The following AKAP9 variants were observed in gnomAD, a reference collection of about 807,000 sequenced individuals.
AKAP9 encodes the protein A-kinase anchoring protein 9.
Under a neutral mutation model 488.5 loss-of-function variants are expected in AKAP9, and 311 were observed. The ratio of observed to expected loss-of-function variants is 0.64; its 90% CI spans 0.58 to 0.70. AKAP9 has a LOEUF of 0.70. Ranked by LOEUF, AKAP9 falls within the 30% of genes least tolerant of loss-of-function variation. The pLI is 0.00. For missense variants in AKAP9, 4,215 were observed against 4,374.5 expected (o/e 0.96, Z 1.03); for synonymous variants, 1,462 against 1,483.5 (o/e 0.99, Z 0.33).
rs888961682 is a variant in AKAP9 at position 91,948,688 on chromosome 7, T to A, written c.48+7541T>A. ...GTGCAATGGCGCAACCTCAGCTCAC[T>A]GCAACCTCCACCTCCTGGGTTCAAG... On this transcript the variant is annotated intron_variant, in intron 1 of 49. Transcript: ENST00000356239. Among the ~76,000 whole-genome samples, 7 of 149,302 alleles carry A rather than the reference T, an allele frequency of 4.7e-5. No individual in the cohort carries two copies. In the South Asian group the frequency reaches 1.3e-3, roughly 28 times the overall value.
intron 26 of AKAP9, among the ~76,000 whole-genome samples, chr7:92,067,997 G>A (rs1262119792): frequency 2.6e-5 from 4 of 152,172 alleles, no homozygotes; most frequent in African/African-American, 7.2e-5. Context: ...TTAAAAGAAA[G>A]CCGAAGAAGT....
chr7:92,044,141 G>A (rs1479683332), intron 20 of AKAP9, among the ~76,000 whole-genome samples: 1 of 152,168 alleles, frequency 6.6e-6, no homozygotes, highest in Non-Finnish European at 1.5e-5. Flanking sequence ...ATTTATAAGA[G>A]AGGCAGGAGG....
Position 92,096,676 on chromosome 7 carries a change from T to G in AKAP9, c.9730-13T>G. ...ATATTAACAAGTTCTTAAATTTGAT[T>G]TTCTCGTACCAGGATCTGAAGTTTT... is the stretch of plus-strand genomic sequence containing the variant. On this transcript the variant is annotated splice_polypyrimidine_tract_variant and intron_variant, in intron 40 of 49. Transcript: ENST00000356239. 1 of 1,613,744 alleles carries G rather than the reference T, an allele frequency of 6.2e-7. No individual in the cohort carries two copies. The highest frequency in any genetic ancestry group is 8.5e-7 in the Non-Finnish European group (1 of 1,179,976).
At chr7:92,063,499 A>T in intron 24 of AKAP9, 15 of 983,824 alleles carry the variant, frequency 1.5e-5, no homozygotes, top group Non-Finnish European at 1.8e-5. Context: ...CACCAGGAGC[A>T]GGTGTGTGTA....
At chr7:92,014,901 A>G (rs1801295273) in intron 10 of AKAP9, among the ~76,000 whole-genome samples, 1 of 152,186 alleles carries the variant, frequency 6.6e-6, no homozygotes, top group Non-Finnish European at 1.5e-5. Flanking sequence ...AGTTATAAGG[A>G]CAAGATGGAG....
intron 7 of AKAP9, among the ~76,000 whole-genome samples, chr7:91,996,589 G>A (rs1798436809): frequency 6.6e-6 from 1 of 152,114 alleles, no homozygotes; most frequent in Admixed American, 6.6e-5. Context: ...AGCTAGAAGT[G>A]TATGTCCAGC....
intron 14 of AKAP9, among the ~76,000 whole-genome samples, chr7:92,028,430 T>G (rs1237711657): frequency 6.8e-6 from 1 of 146,162 alleles, no homozygotes; most frequent in Non-Finnish European, 1.5e-5. Flanking sequence ...ATCCAGGACA[T>G]AAAGCCAAGG....
At chr7:92,070,806 CAAA>C (rs34613656) in intron 27 of AKAP9, 96 bp from the exon 28 acceptor site, 2,903 of 454,038 alleles carry the variant, frequency 6.4e-3, no homozygotes, top group South Asian at 8.4e-3. Flanking sequence ...TGCTGCTTCT[CAAA>C]AAAAAAAAAA....
intron 16 of AKAP9, among the ~76,000 whole-genome samples, chr7:92,037,793 A>G (rs1805437716): frequency 6.6e-6 from 1 of 152,250 alleles, no homozygotes; most frequent in Non-Finnish European, 1.5e-5. Flanking sequence ...TATAATTACA[A>G]ATATTTCATC....
intron 1 of AKAP9, among the ~76,000 whole-genome samples, chr7:91,968,396 CA>C (rs1794672980): frequency 6.6e-6 from 1 of 152,042 alleles, no homozygotes; most frequent in Admixed American, 6.6e-5. Context: ...TATAGTTGTT[CA>C]TAATAGTCTG....
intron 11 of AKAP9, among the ~76,000 whole-genome samples, chr7:92,016,498 C>G (rs186325272): frequency 2.2e-4 from 34 of 152,180 alleles, no homozygotes; most frequent in African/African-American, 7.9e-4. Flanking sequence ...TGTCTGTCCT[C>G]TGTCTCTCTA....
rs546584546 is a variant in AKAP9, at chr7:92,004,403, T to C, written c.3318+1168T>C. On this transcript the variant is annotated intron_variant, in intron 8 of 49. Transcript: ENST00000356239. ...ATGGCATTGAATCTATAAATTACCT[T>C]GGGCAGTATGGCCATTTTCACAATA... Among the ~76,000 whole-genome samples the C allele has an allele frequency of 2.6e-5, 4 of 152,364 alleles. No homozygotes were observed. In the East Asian group the frequency reaches 7.7e-4, roughly 29 times the overall value.
chr7:92,031,551 G>A lies in AKAP9; in HGVS notation c.4285G>A (p.Val1429Ile), dbSNP rs371307390. ...EFGVKEETNI[V>I]KLLEKQYQEQ... is the part of the protein sequence containing the mutation. ...TGGAGTGAAAGAGGAAACAAATATC[G>A]TTAAGTTGCTTGAAAAACAATACCA... The change falls in exon 16 of 50, where the codon GTT (valine) becomes ATT (isoleucine). Residue 1429 changes from valine to isoleucine, a missense_variant. By Grantham distance (29) the Val-to-Ile change is conservative. Transcript: ENST00000356239. The A allele has an allele frequency of 1.4e-5, 23 of 1,612,682 alleles. No individual in the cohort carries two copies. Among genetic ancestry groups the A allele is most frequent in the Admixed American group, 3.3e-5 (2 of 59,996 alleles).
chr7:91,958,826 A>G (rs899807939), intron 1 of AKAP9, among the ~76,000 whole-genome samples: 4 of 151,486 alleles, frequency 2.6e-5, no homozygotes, highest in African/African-American at 9.7e-5. Context: ...TTTTTATCCA[A>G]GTTTATGTTG....
At chr7:92,101,092 T>A in intron 45 of AKAP9, 36 bp downstream of exon 45, 2 of 1,590,186 alleles carry the variant, frequency 1.3e-6, no homozygotes, top group Non-Finnish European at 1.7e-6. Flanking sequence ...TCACAGCTGG[T>A]TCTATGTTTT....
In AKAP9 at chr7:92,096,589, G is replaced by A. The variant is rs189059462; in HGVS notation, c.9730-100G>A. On this transcript the variant is annotated intron_variant, in intron 40 of 49. Transcript: ENST00000356239. Reference sequence around the variant, plus strand: ...TGACCTCAGGTGATCTGCCCGCCTCGGCCTCCCAAAGTGCTGGGATTACAG... The same window carrying A: ...TGACCTCAGGTGATCTGCCCGCCTCAGCCTCCCAAAGTGCTGGGATTACAG... 2.0e-4 allele frequency: 276 copies of A among 1,356,418 alleles called. 1 individual carries two copies. The Middle Eastern group carries it at 2.8e-3, about 14-fold the overall frequency. 84.0% of individuals were successfully genotyped at this position (1,356,418 alleles called of 1,614,324 possible). A position where few individuals can be genotyped will look rare whatever the true frequency, so the allele number is the denominator to read the frequency against.
rs530895078 is a variant in AKAP9, at chr7:92,010,609, T to C, written c.3319-1820T>C. 3.9e-5 allele frequency among the ~76,000 whole-genome samples: 6 copies of C among 152,330 alleles called. No individual in the cohort carries two copies. The South Asian group carries it at 1.0e-3, about 26-fold the overall frequency. On this transcript the variant is annotated intron_variant, in intron 8 of 49. Transcript: ENST00000356239. ...CCTGGGCTCAAGCAGTTATTCCACATTGGCTTCCCAAAGTGCTGGGATTAC... is the reference window on the plus strand; with the variant it reads ...CCTGGGCTCAAGCAGTTATTCCACACTGGCTTCCCAAAGTGCTGGGATTAC...
At chr7:92,083,121 T>G (rs1377624182) in intron 32 of AKAP9, 49 bp from the exon 33 acceptor site, 1 of 1,591,654 alleles carries the variant, frequency 6.3e-7, no homozygotes, top group African/African-American at 1.4e-5. Context: ...ACATTTAATA[T>G]GGGAAGATTT....
At chr7:91,982,162 C>T (rs560517021) in intron 3 of AKAP9, among the ~76,000 whole-genome samples, 2 of 148,858 alleles carry the variant, frequency 1.3e-5, no homozygotes, top group South Asian at 2.1e-4. Context: ...AAGTATTTTA[C>T]GTACGTATGT....
Sources: allele counts gnomAD v4.1 joint callset (sites outside exome capture counted in the v4.1 genomes callset), GRCh38; gene constraint gnomAD v4.1.1; transcripts MANE v1.5; gene names NCBI Gene and HGNC (gene_info 2026-07-23, HGNC 2026-07-21).